The following LARGE1 variants were observed in gnomAD, a reference collection of about 807,000 sequenced individuals.
LARGE1 encodes xylosyl- and glucuronyltransferase LARGE1.
LARGE1 carries 43 observed loss-of-function variants against 87.6 expected under a neutral mutation model. The ratio of observed to expected loss-of-function variants is 0.49; its 90% CI spans 0.38 to 0.63. The LOEUF is 0.63. Ranked by LOEUF, LARGE1 falls within the 30% of genes least tolerant of loss-of-function variation. LARGE1 has a pLI of 0.00. For synonymous variants in LARGE1, 434 were observed against 394.6 expected, an observed-to-expected ratio of 1.10 and a Z score of -1.18; for missense variants, 802 against 1,000.2, an observed-to-expected ratio of 0.80 and a Z score of 2.67.
intron 6 of LARGE1, among the ~76,000 whole-genome samples, chr22:33,538,494 G>C (rs979007570): frequency 2.0e-5 from 3 of 152,120 alleles, no homozygotes; most frequent in Non-Finnish European, 4.4e-5. Context: ...GCATTACGAA[G>C]GTACATTGTG....
Position 33,175,546 on chromosome 22 carries a change from C to T in LARGE1, c.1731-8714G>A, listed in dbSNP as rs181192247. 2.0e-4 allele frequency among the ~76,000 whole-genome samples: 31 copies of T among 152,104 alleles called. No individual in the cohort carries two copies. The East Asian group carries it at 5.8e-3, about 28-fold the overall frequency. Reference sequence around the variant, plus strand: ...AGAGAGCCAAATCATGAGTGAACTCCCATTCACAATTGCTACAAAGAGAAT... The same window carrying T: ...AGAGAGCCAAATCATGAGTGAACTCTCATTCACAATTGCTACAAAGAGAAT... On this transcript the variant is annotated intron_variant, in intron 11 of 11. Coordinates refer to the LARGE1 transcript ENST00000608642.
intron 7 of LARGE1, among the ~76,000 whole-genome samples, chr22:33,399,773 C>A (rs905286276): frequency 6.6e-6 from 1 of 152,184 alleles, no homozygotes; most frequent in Non-Finnish European, 1.5e-5. Context: ...TGGTCTCGAT[C>A]TCCTGACCTC....
intron 6 of LARGE1, among the ~76,000 whole-genome samples, chr22:33,503,567 G>A (rs758171213): frequency 3.1e-4 from 47 of 152,074 alleles, no homozygotes; most frequent in Non-Finnish European, 5.7e-4. Context: ...TTGGGAGGCC[G>A]AGGCGGGTGG....
the LARGE1 span, among the ~76,000 whole-genome samples, chr22:33,120,356 CTT>C: frequency 4.3e-4 from 37 of 86,476 alleles, no homozygotes; most frequent in African/African-American, 1.4e-3. Context: ...TCTTTTCTTT[CTT>C]TTTCTTTCTT....
chr22:33,222,643 C>T (rs917279156), intron 11 of LARGE1, among the ~76,000 whole-genome samples: 1 of 152,134 alleles, frequency 6.6e-6, no homozygotes, highest in Non-Finnish European at 1.5e-5. Flanking sequence ...GAGGCAGAAA[C>T]TGGAATGAGC....
At chr22:33,232,226 C>A (rs1177043528) in intron 11 of LARGE1, among the ~76,000 whole-genome samples, 3 of 152,238 alleles carry the variant, frequency 2.0e-5, no homozygotes, top group Non-Finnish European at 4.4e-5. Context: ...CTCCCAGTTG[C>A]TAAGCCTAAA....
At chr22:33,745,004 G>A (rs551139424) in intron 2 of LARGE1, among the ~76,000 whole-genome samples, 2 of 152,126 alleles carry the variant, frequency 1.3e-5, no homozygotes, top group African/African-American at 2.4e-5. Flanking sequence ...CAGCACACAC[G>A]GCAAAGCCCC....
chr22:33,589,459 G>T (rs1170629588), intron 5 of LARGE1, among the ~76,000 whole-genome samples: 1 of 150,272 alleles, frequency 6.7e-6, no homozygotes, highest in African/African-American at 2.5e-5. Flanking sequence ...CCAGAGGTTT[G>T]CCATCTTCTT....
At chr22:33,120,402 CTTTCTTTCCT>C in the LARGE1 span, among the ~76,000 whole-genome samples, 3 of 92,624 alleles carry the variant, frequency 3.2e-5, no homozygotes, top group Admixed American at 2.9e-4. Flanking sequence ...TTCTTTCTTT[CTTTCTTTCCT>C]TCTTTCTTTC....
At chr22:33,425,090 C>T (rs960818987) in intron 7 of LARGE1, among the ~76,000 whole-genome samples, 1 of 151,936 alleles carries the variant, frequency 6.6e-6, no homozygotes, top group African/African-American at 2.4e-5. Flanking sequence ...GGTGAAACCT[C>T]ACCTCCACTA....
chr22:33,873,064 T>C (rs1214413871), intron 1 of LARGE1: 1 of 151,764 alleles, frequency 6.6e-6, no homozygotes, highest in Non-Finnish European at 1.5e-5. Flanking sequence ...GCAAGCCTCT[T>C]ACATTAAAAT....
At chr22:33,317,875 AC>A (rs1326067167) in intron 10 of LARGE1, among the ~76,000 whole-genome samples, 1 of 152,158 alleles carries the variant, frequency 6.6e-6, no homozygotes, top group African/African-American at 2.4e-5. Context: ...AACCCGCTCC[AC>A]CATGACTGGA....
intron 2 of LARGE1, among the ~76,000 whole-genome samples, chr22:33,710,841 C>T (rs5999067): frequency 0.11 from 15,992 of 152,090 alleles, 1,628 homozygotes; most frequent in African/African-American, 0.27. Context: ...GAAGTCATTA[C>T]TTTGAAAAAG....
In LARGE1 at chr22:33,363,285, G is replaced by A. The variant is rs186533662; in HGVS notation, c.1131+18634C>T. Among the ~76,000 whole-genome samples the A allele has an allele frequency of 2.7e-5, 4 of 150,066 alleles. 1 individual carries two copies. Among genetic ancestry groups the A allele is most frequent in the African/African-American group, 7.3e-5 (3 of 40,882 alleles). On this transcript the variant is annotated intron_variant, in intron 9 of 14. Coordinates refer to ENST00000397394, the MANE Select transcript of LARGE1 (RefSeq NM_133642.5). ...CTGATAAAGACATACCCAAGACTGG[G>A]TAATTTATAAAGAAAAAGAGGTTTA... is the stretch of plus-strand genomic sequence containing the variant.
intron 11 of LARGE1, among the ~76,000 whole-genome samples, chr22:33,179,032 G>T (rs543495488): frequency 6.6e-6 from 1 of 152,168 alleles, no homozygotes. Context: ...GAGGGCAAGA[G>T]CATGTGTGTC....
chr22:33,657,181 C>A (rs2080985886), intron 2 of LARGE1: 1 of 152,246 alleles, frequency 6.6e-6, no homozygotes, highest in South Asian at 2.1e-4. Context: ...TCTCTCTAGT[C>A]TAGGAAAGCA....
At chr22:33,420,748 T>C (rs2066661764) in intron 7 of LARGE1, among the ~76,000 whole-genome samples, 3 of 152,222 alleles carry the variant, frequency 2.0e-5, no homozygotes, top group Admixed American at 2.0e-4. Flanking sequence ...GCATGTTTAA[T>C]TTCTGTCCAA....
At chr22:33,572,239 T>C in intron 5 of LARGE1, 1 of 1,275,328 alleles carries the variant, frequency 7.8e-7, no homozygotes, top group Non-Finnish European at 1.0e-6. Flanking sequence ...GTTTGAAAAG[T>C]CATTTGCCTT....
intron 1 of LARGE1, among the ~76,000 whole-genome samples, chr22:33,881,057 T>C (rs1601841802): frequency 3.2e-5 from 3 of 92,366 alleles, no homozygotes; most frequent in South Asian, 3.2e-4. Flanking sequence ...GCTTTTTTAA[T>C]TTTTTTTTTT....
Sources: allele counts gnomAD v4.1 joint callset (sites outside exome capture counted in the v4.1 genomes callset), GRCh38; gene constraint gnomAD v4.1.1; transcripts MANE v1.5; gene names NCBI Gene and HGNC (gene_info 2026-07-23, HGNC 2026-07-21).